The following MIA2 variants were observed in gnomAD, a reference collection of about 807,000 sequenced individuals.
MIA2 encodes the protein melanoma inhibitory activity protein 2.
MIA2 carries 127 observed loss-of-function variants against 167.8 expected under a neutral mutation model. That is an observed-to-expected ratio of 0.76 (90% CI 0.66 to 0.88). The LOEUF is 0.88. MIA2 is among the 40% of genes least tolerant of loss of function. The pLI, the probability that MIA2 is intolerant of heterozygous loss-of-function variation, is 0.00. For missense variants in MIA2, 1,690 were observed against 1,624.7 expected (o/e 1.04, Z -0.69); for synonymous variants, 552 against 541.9 (o/e 1.02, Z -0.26).
chr14:39,354,455 A>G (rs1489533861), downstream of MIA2, among the ~76,000 whole-genome samples: 1 of 151,968 alleles, frequency 6.6e-6, no homozygotes, highest in Non-Finnish European at 1.5e-5. Flanking sequence ...TAGATTCTGG[A>G]TATTAGTCCT....
chr14:39,295,052 T>C (rs2061237895), intron 13 of MIA2, 23 bp downstream of exon 13: 1 of 1,451,982 alleles, frequency 6.9e-7, no homozygotes, highest in South Asian at 1.1e-5. Context: ...TAGGGACTCT[T>C]CAACTTGTGA....
At chr14:39,336,934 T>C (rs1372271363) in intron 25 of MIA2, among the ~76,000 whole-genome samples, 2 of 152,050 alleles carry the variant, frequency 1.3e-5, no homozygotes, top group African/African-American at 2.4e-5. Context: ...TTTTAAATTG[T>C]TTTTGGAGAC....
At position 39,327,032 on chromosome 14, in the gene MIA2, G is replaced by C; in HGVS notation, c.3655+10G>C. 1.4e-6 allele frequency: 2 copies of C among 1,478,692 alleles called. No individual in the cohort carries two copies. The highest frequency in any genetic ancestry group is 5.0e-5 in the Admixed American group (2 of 39,604). The allele number at this position is 1,478,692 out of a possible 1,614,324, so 91.6% of individuals were successfully genotyped here. On this transcript the variant is annotated intron_variant, in intron 25 of 28. Coordinates refer to ENST00000640607, the MANE Select transcript of MIA2 (RefSeq NM_001329214.4). ...ATGTTTCCTCCGCCAGGTATGTAAAGACAATAGTTATTATTTCTCTTTGAA... is the reference window on the plus strand; with the variant it reads ...ATGTTTCCTCCGCCAGGTATGTAAACACAATAGTTATTATTTCTCTTTGAA...
intron 24 of MIA2, among the ~76,000 whole-genome samples, chr14:39,325,580 G>A (rs534443197): frequency 6.6e-6 from 1 of 151,266 alleles, no homozygotes; most frequent in Admixed American, 6.6e-5. Context: ...TGTTAGCCAG[G>A]ATGGTCTCGA....
rs76805905 is a variant in MIA2, at chr14:39,380,027, C to G, written c.2249-6858C>G. ...CAAGTCAAAACTAATGAGAAGGATA[C>G]TTAAATAGAAGGAATATGTCCTGAG... is the stretch of plus-strand genomic sequence containing the variant. On this transcript the variant is annotated intron_variant, in intron 23 of 23. Coordinates refer to the MIA2 transcript ENST00000341502. Among the ~76,000 whole-genome samples the G allele has an allele frequency of 6.9e-3, 1,050 of 152,276 alleles. 3 individuals are homozygous for G. Among genetic ancestry groups the G allele is most frequent in the Non-Finnish European group, 0.012 (805 of 68,028 alleles).
chr14:39,275,706 T>C (rs1418322594), intron 6 of MIA2, among the ~76,000 whole-genome samples: 2 of 152,234 alleles, frequency 1.3e-5, no homozygotes, highest in Non-Finnish European at 2.9e-5. Context: ...CTTCCTGGTA[T>C]TGTGTATTGA....
At chr14:39,356,851 G>A (rs1343996424) in intron 23 of MIA2, among the ~76,000 whole-genome samples, 1 of 152,210 alleles carries the variant, frequency 6.6e-6, no homozygotes, top group Non-Finnish European at 1.5e-5. Context: ...TTTCCATGTA[G>A]TTGAGCAGTT....
intron 6 of MIA2, among the ~76,000 whole-genome samples, chr14:39,254,306 A>G (rs993510743): frequency 6.6e-6 from 1 of 152,250 alleles, no homozygotes; most frequent in African/African-American, 2.4e-5. Flanking sequence ...TTGATTGAAC[A>G]TAGGCTGAAG....
intron 23 of MIA2, among the ~76,000 whole-genome samples, chr14:39,357,442 A>T (rs573559367): frequency 3.3e-5 from 5 of 151,966 alleles, no homozygotes; most frequent in Admixed American, 2.6e-4. Flanking sequence ...GAGCCTATGT[A>T]TGTCTCTGCA....
At chr14:39,312,854 C>A (rs1321331940) in intron 18 of MIA2, among the ~76,000 whole-genome samples, 3 of 149,992 alleles carry the variant, frequency 2.0e-5, no homozygotes, top group African/African-American at 7.3e-5. Flanking sequence ...ACTGCTACTA[C>A]TACTGTTTAC....
chr14:39,250,001 C>T (rs982290972), intron 4 of MIA2, among the ~76,000 whole-genome samples: 7 of 152,152 alleles, frequency 4.6e-5, no homozygotes, highest in Non-Finnish European at 1.0e-4. Flanking sequence ...AAGGTGTAGG[C>T]GTGATGCTTT....
At chr14:39,385,942 A>G (rs2075266671) in intron 23 of MIA2, 3 of 827,326 alleles carry the variant, frequency 3.6e-6, no homozygotes, top group African/African-American at 1.7e-5. Context: ...GGGGAGAGAC[A>G]CACTGAGAGG....
chr14:39,386,260 TAACTC>T, intron 23 of MIA2: 2 of 1,436,624 alleles, frequency 1.4e-6, no homozygotes, highest in South Asian at 2.3e-5. Flanking sequence ...CTTCCTTTGA[TAACTC>T]AGTCGGTAAT....
chr14:39,258,129 C>T (rs1449752179), intron 6 of MIA2, among the ~76,000 whole-genome samples: 1 of 152,140 alleles, frequency 6.6e-6, no homozygotes, highest in Non-Finnish European at 1.5e-5. Flanking sequence ...AAATGTTGGC[C>T]TGCCTTGCTA....
At chr14:39,386,998 G>A (rs544281535) in exon 24 of MIA2, 5 of 755,910 alleles carry the variant, frequency 6.6e-6, no homozygotes, top group South Asian at 4.6e-5. Flanking sequence ...GTGACGACTC[G>A]TATCTGTTCA....
At chr14:39,298,446 G>GT (rs2061808560) in intron 13 of MIA2, among the ~76,000 whole-genome samples, 1 of 8,434 alleles carries the variant, frequency 1.2e-4, no homozygotes, top group Non-Finnish European at 2.2e-4. Flanking sequence ...TATATATAAA[G>GT]ATTAGTTTTT....
At chr14:39,360,363 G>C (rs1484546380) in intron 23 of MIA2, among the ~76,000 whole-genome samples, 1 of 152,084 alleles carries the variant, frequency 6.6e-6, no homozygotes, top group Non-Finnish European at 1.5e-5. Context: ...TTTCTTTGAT[G>C]ATTAGTGAGG....
chr14:39,303,245 C>T (rs548305066), intron 15 of MIA2, among the ~76,000 whole-genome samples: 1 of 152,136 alleles, frequency 6.6e-6, no homozygotes, highest in Admixed American at 6.5e-5. Context: ...TAACTCTGTT[C>T]TTGGAGTTAG....
downstream of MIA2, among the ~76,000 whole-genome samples, chr14:39,353,954 C>T (rs952821950): frequency 2.6e-5 from 4 of 152,190 alleles, no homozygotes; most frequent in African/African-American, 7.2e-5. Flanking sequence ...TTTCTTAATC[C>T]AGTCTATCAT....
Sources: allele counts gnomAD v4.1 joint callset (sites outside exome capture counted in the v4.1 genomes callset), GRCh38; gene constraint gnomAD v4.1.1; transcripts MANE v1.5; gene names NCBI Gene and HGNC (gene_info 2026-07-23, HGNC 2026-07-21).